The following CUX1 variants were observed in gnomAD, a reference collection of about 807,000 sequenced individuals.
CUX1 encodes the protein protein CASP.
In CUX1, 31 loss-of-function variants were observed where a neutral mutation model predicts 158.8. The ratio of observed to expected loss-of-function variants is 0.20; its 90% CI spans 0.15 to 0.26. The LOEUF (loss-of-function observed/expected upper bound fraction) is 0.26, where lower values mean the gene tolerates loss of function less well. Among genes scored for constraint, CUX1 ranks in the 10% least tolerant of loss-of-function variants. The pLI is 1.00. For missense variants in CUX1, 1,589 were observed against 2,014.6 expected (o/e 0.79, Z 4.04); for synonymous variants, 879 against 862.1 (o/e 1.02, Z -0.34).
intron 4 of CUX1, among the ~76,000 whole-genome samples, chr7:102,071,560 CA>C (rs1585530305): frequency 6.6e-6 from 1 of 152,226 alleles, no homozygotes; most frequent in Non-Finnish European, 1.5e-5. Context: ...CTCCCCTCCC[CA>C]CCCATTACAG....
chr7:102,071,376 GCCTTGAACTC>G (rs1287494173), intron 4 of CUX1, among the ~76,000 whole-genome samples: 1 of 152,162 alleles, frequency 6.6e-6, no homozygotes, highest in Non-Finnish European at 1.5e-5. Flanking sequence ...CAGGTAGAGT[GCCTTGAACTC>G]TCTGGTCCTG....
At chr7:102,204,949 G>A (rs1795798029) in intron 19 of CUX1, among the ~76,000 whole-genome samples, 165 bp from the exon 20 acceptor site, 1 of 152,234 alleles carries the variant, frequency 6.6e-6, no homozygotes, top group African/African-American at 2.4e-5. Context: ...TCCCGGCCCG[G>A]GGGCCTGGCC....
chr7:102,230,362 G>A (rs1798833192), intron 21 of CUX1, among the ~76,000 whole-genome samples: 1 of 151,790 alleles, frequency 6.6e-6, no homozygotes, highest in Non-Finnish European at 1.5e-5. Context: ...GGCACCCGCT[G>A]TAATCCCTGC....
intron 3 of CUX1, among the ~76,000 whole-genome samples, chr7:102,030,689 G>GGGTTTTTTTT (rs1820642475): frequency 2.4e-5 from 2 of 82,540 alleles, no homozygotes; most frequent in South Asian, 4.8e-4. Context: ...ATTTTAAAAA[G>GGGTTTTTTTT]TGTTTTTTTT....
chr7:101,962,681 G>C (rs940394768), intron 2 of CUX1, among the ~76,000 whole-genome samples: 2 of 152,098 alleles, frequency 1.3e-5, no homozygotes, highest in Non-Finnish European at 2.9e-5. Context: ...TTCATTCTGA[G>C]CAATAGCCAT....
chr7:102,039,367 C>T (rs1821791695), intron 3 of CUX1, among the ~76,000 whole-genome samples: 1 of 152,088 alleles, frequency 6.6e-6, no homozygotes, highest in Admixed American at 6.6e-5. Flanking sequence ...GCCTTCAGCC[C>T]CTCCCTGATC....
intron 2 of CUX1, among the ~76,000 whole-genome samples, chr7:101,951,937 A>C (rs1809113923): frequency 6.6e-6 from 1 of 152,260 alleles, no homozygotes; most frequent in East Asian, 1.9e-4. Context: ...GCTGTAAAGT[A>C]GCCATAGATA....
chr7:102,096,589 C>T (rs971306353), intron 4 of CUX1, among the ~76,000 whole-genome samples: 1 of 152,064 alleles, frequency 6.6e-6, no homozygotes, highest in Non-Finnish European at 1.5e-5. Context: ...GCCTGTAGTC[C>T]CAGCTACTTG....
intron 14 of CUX1, among the ~76,000 whole-genome samples, chr7:102,266,562 G>T (rs914315944): frequency 4.6e-5 from 7 of 152,174 alleles, no homozygotes; most frequent in African/African-American, 1.2e-4. Flanking sequence ...ATGGCATCCC[G>T]CATGGCCAGA....
chr7:102,239,991 G>T (rs181436826), intron 23 of CUX1, among the ~76,000 whole-genome samples: 189 of 152,188 alleles, frequency 1.2e-3, no homozygotes, highest in African/African-American at 4.4e-3. Context: ...CAGGTGATCT[G>T]CCCACCTCGG....
At chr7:101,901,078 T>C (rs1255358201) in intron 1 of CUX1, among the ~76,000 whole-genome samples, 5 of 152,090 alleles carry the variant, frequency 3.3e-5, no homozygotes, top group South Asian at 4.2e-4. Flanking sequence ...AAATCGATGC[T>C]CAGGAAGTCT....
intron 3 of CUX1, among the ~76,000 whole-genome samples, chr7:102,039,878 A>C (rs977602498): frequency 6.6e-6 from 1 of 152,082 alleles, no homozygotes; most frequent in African/African-American, 2.4e-5. Context: ...GAATTTCATC[A>C]CAGTATCACC....
intron 21 of CUX1, among the ~76,000 whole-genome samples, chr7:102,231,782 C>A (rs1362850648): frequency 6.7e-6 from 1 of 148,834 alleles, no homozygotes; most frequent in African/African-American, 2.5e-5. Context: ...GGCACGATCT[C>A]GGCTCACTGC....
At chr7:102,236,428 A>G (rs1257374852) in intron 22 of CUX1, among the ~76,000 whole-genome samples, 4 of 152,060 alleles carry the variant, frequency 2.6e-5, no homozygotes, top group Admixed American at 6.5e-5. Context: ...AAAGTTTTCA[A>G]CTTATTTTTC....
At chr7:102,192,275 G>C (rs1794360939) in intron 12 of CUX1, among the ~76,000 whole-genome samples, 2 of 152,188 alleles carry the variant, frequency 1.3e-5, no homozygotes, top group Admixed American at 6.5e-5. Flanking sequence ...ACTGAGACGT[G>C]GTCTCCAATC....
chr7:102,043,551 G>A (rs759281713), intron 3 of CUX1, among the ~76,000 whole-genome samples: 31 of 151,966 alleles, frequency 2.0e-4, no homozygotes, highest in Admixed American at 1.5e-3. Context: ...ACACGCAGGG[G>A]GTCCTAGCAC....
At chr7:101,880,348 C>T (rs188598930) in intron 1 of CUX1, among the ~76,000 whole-genome samples, 296 of 152,226 alleles carry the variant, frequency 1.9e-3, no homozygotes, top group African/African-American at 6.7e-3. Flanking sequence ...ACAATGAGGA[C>T]GGTGTGCGTT....
rs1317909332 is a variant in CUX1, at chr7:102,180,514, T to C, written c.1017+1857T>C. ...CTAGTTTTTTAATTTTTTGTGGAGA[T>C]GGGATTTCACTGTGTTCCCCAGGCT... On this transcript the variant is annotated intron_variant, in intron 11 of 23. Transcript: ENST00000292535. 3.3e-5 allele frequency among the ~76,000 whole-genome samples: 5 copies of C among 151,954 alleles called. No homozygotes were observed. The East Asian group carries it at 5.8e-4, about 18-fold the overall frequency.
chr7:101,833,485 T>C (rs1584693964), intron 1 of CUX1, among the ~76,000 whole-genome samples: 1 of 141,180 alleles, frequency 7.1e-6, no homozygotes, highest in South Asian at 2.2e-4. Flanking sequence ...AGCCCAGGAG[T>C]TGGAAGCTGC....
Sources: allele counts gnomAD v4.1 joint callset (sites outside exome capture counted in the v4.1 genomes callset), GRCh38; gene constraint gnomAD v4.1.1; transcripts MANE v1.5; gene names NCBI Gene and HGNC (gene_info 2026-07-23, HGNC 2026-07-21).